ELF2: variants seen among roughly 807,000 people sequenced by gnomAD.
ELF2 encodes the protein ETS-related transcription factor Elf-2.
ELF2 carries 11 observed loss-of-function variants against 54.8 expected under a neutral mutation model. The observed-to-expected ratio is 0.20, with a 90% CI of 0.13 to 0.33. ELF2 has a LOEUF of 0.33. ELF2 is among the 10% of genes least tolerant of loss of function. The pLI, the probability that ELF2 is intolerant of heterozygous loss-of-function variation, is 1.00. For synonymous variants in ELF2, 203 were observed against 245.1 expected (o/e 0.83, Z 1.61); for missense variants, 513 against 703.0 (o/e 0.73, Z 3.06).
intron 7 of ELF2, among the ~76,000 whole-genome samples, chr4:139,064,615 CAT>C (rs1728406808): frequency 6.6e-6 from 1 of 152,158 alleles, no homozygotes; most frequent in South Asian, 2.1e-4. Context: ...CGTGTTGGCT[CAT>C]GTGTGTAATC....
chr4:139,159,926 C>T (rs370212441), intron 1 of ELF2, among the ~76,000 whole-genome samples: 21 of 152,124 alleles, frequency 1.4e-4, no homozygotes, highest in African/African-American at 4.8e-4. Context: ...TAAATATTGA[C>T]GCGTGTAGTC....
At chr4:139,143,974 T>A (rs1738965256) in intron 1 of ELF2, among the ~76,000 whole-genome samples, 1 of 151,736 alleles carries the variant, frequency 6.6e-6, no homozygotes, top group Non-Finnish European at 1.5e-5. Context: ...CCCACCCTCC[T>A]CAAGATGGCA....
chr4:139,096,334 T>C (rs1044373649), intron 4 of ELF2, among the ~76,000 whole-genome samples: 2 of 152,218 alleles, frequency 1.3e-5, no homozygotes, highest in African/African-American at 4.8e-5. Context: ...TGATGGACTT[T>C]TTTTTTAATA....
intron 4 of ELF2, among the ~76,000 whole-genome samples, chr4:139,090,611 T>C (rs1732462696): frequency 6.6e-6 from 1 of 152,228 alleles, no homozygotes; most frequent in African/African-American, 2.4e-5. Context: ...TTTTTTATTC[T>C]TGAGACAGGG....
intron 4 of ELF2, among the ~76,000 whole-genome samples, chr4:139,097,941 C>A (rs913265507): frequency 1.3e-5 from 2 of 152,112 alleles, no homozygotes; most frequent in Non-Finnish European, 2.9e-5. Context: ...TTCAAGTGAT[C>A]CTCCTGCCTC....
intron 1 of ELF2, among the ~76,000 whole-genome samples, chr4:139,157,646 C>G (rs572522708): frequency 9.9e-5 from 15 of 152,276 alleles, no homozygotes; most frequent in African/African-American, 3.4e-4. Flanking sequence ...TCAAGCAATC[C>G]TCCCATCTCA....
At chr4:139,075,696 T>G (rs1730214425) in intron 4 of ELF2, among the ~76,000 whole-genome samples, 1 of 152,236 alleles carries the variant, frequency 6.6e-6, no homozygotes, top group African/African-American at 2.4e-5. Context: ...CTCAAAGTGC[T>G]GGGATTACAG....
chr4:139,158,116 G>C (rs1740733306), intron 1 of ELF2, among the ~76,000 whole-genome samples: 1 of 152,130 alleles, frequency 6.6e-6, no homozygotes, highest in Non-Finnish European at 1.5e-5. Context: ...ATAGGATTTG[G>C]GTAGGTAATG....
intron 4 of ELF2, among the ~76,000 whole-genome samples, chr4:139,113,269 G>A (rs369745632): frequency 3.3e-5 from 5 of 151,962 alleles, no homozygotes; most frequent in Non-Finnish European, 5.9e-5. Flanking sequence ...AAGGTGGGAG[G>A]AGCACTACAG....
chr4:139,087,288 A>G (rs1221293542), intron 4 of ELF2, among the ~76,000 whole-genome samples: 1 of 152,170 alleles, frequency 6.6e-6, no homozygotes, highest in African/African-American at 2.4e-5. Context: ...TCAGTAATTC[A>G]TTCATTTATA....
At chr4:139,133,882 T>G (rs1386947514) in intron 3 of ELF2, among the ~76,000 whole-genome samples, 1 of 152,240 alleles carries the variant, frequency 6.6e-6, no homozygotes, top group African/African-American at 2.4e-5. Flanking sequence ...TATTCTAAAT[T>G]TATTAGTTCT....
In ELF2 at chr4:139,083,810, G is replaced by T. The variant is rs576349172; in HGVS notation, c.239-10243C>A. On this transcript the variant is annotated intron_variant, in intron 4 of 9. Coordinates refer to ENST00000686138, the MANE Select transcript of ELF2 (RefSeq NM_001331036.3). ...CTGGGGTGAAGCGCACAACTCGTCC[G>T]CCCCCGAGTGCCCAACTTAACCGCG... is the stretch of plus-strand genomic sequence containing the variant. 2.0e-5 allele frequency among the ~76,000 whole-genome samples: 3 copies of T among 152,142 alleles called. No homozygotes were observed. The South Asian group carries it at 6.2e-4, about 32-fold the overall frequency.
At chr4:139,169,539 T>C (rs1742057324) in intron 1 of ELF2, among the ~76,000 whole-genome samples, 1 of 151,984 alleles carries the variant, frequency 6.6e-6, no homozygotes, top group Non-Finnish European at 1.5e-5. Context: ...AAAACAATGA[T>C]GTAATCTTCC....
intron 4 of ELF2, among the ~76,000 whole-genome samples, chr4:139,104,807 T>A (rs1274358683): frequency 6.6e-6 from 1 of 152,214 alleles, no homozygotes; most frequent in Admixed American, 6.5e-5. Flanking sequence ...CACTGTCAAC[T>A]CTCATGATGA....
intron 1 of ELF2, among the ~76,000 whole-genome samples, chr4:139,160,735 G>A (rs1459320355): frequency 2.0e-5 from 3 of 152,130 alleles, no homozygotes; most frequent in East Asian, 3.9e-4. Flanking sequence ...GGCCGAGGCG[G>A]GTGGATCACT....
Position 139,152,339 on chromosome 4 carries a change from A to AT in ELF2, c.-251-12843dup, listed in dbSNP as rs199873078. On this transcript the variant is annotated intron_variant, in intron 1 of 9. Transcript: ENST00000686138. ...AGAATTGTAATTTGTAGTCTACACC[A>AT]TTTTTTTTTTTTTGAAATGGGATCT... Among the ~76,000 whole-genome samples, 1,150 of 145,708 alleles carry AT rather than the reference A, an allele frequency of 7.9e-3. 17 individuals carry two copies. The highest frequency in any genetic ancestry group is 0.026 in the African/African-American group (1,023 of 40,030).
At chr4:139,135,738 C>G (rs1295164629) in intron 3 of ELF2, among the ~76,000 whole-genome samples, 2 of 152,128 alleles carry the variant, frequency 1.3e-5, no homozygotes, top group African/African-American at 4.8e-5. Context: ...GCCACACTAC[C>G]TGACATGCTC....
chr4:139,133,168 G>C (rs533307167), intron 3 of ELF2, among the ~76,000 whole-genome samples: 36 of 152,106 alleles, frequency 2.4e-4, no homozygotes, highest in African/African-American at 8.2e-4. Flanking sequence ...TGATCCGCCC[G>C]CCTCGGCTTC....
At chr4:139,084,253 G>C (rs749669748) in intron 4 of ELF2, 3 of 1,607,868 alleles carry the variant, frequency 1.9e-6, no homozygotes, top group Non-Finnish European at 1.7e-6. Context: ...CGGCGGCAGG[G>C]GAGGAGGCGG....
Sources: allele counts gnomAD v4.1 joint callset (sites outside exome capture counted in the v4.1 genomes callset), GRCh38; gene constraint gnomAD v4.1.1; transcripts MANE v1.5; gene names NCBI Gene and HGNC (gene_info 2026-07-23, HGNC 2026-07-21).